BACC1: variants seen among roughly 807,000 people sequenced by gnomAD.
BACC1 encodes the protein BPTF associated chromatin complex component 1.
chr17:7,015,195 G>A, the BACC1 span: 1 of 1,532,640 alleles, frequency 6.5e-7, no homozygotes, highest in East Asian at 2.6e-5. Context: ...GCTGAGAGCG[G>A]GCGCTTGGAC....
chr17:7,016,242 T>C, the BACC1 span: 2 of 544,104 alleles, frequency 3.7e-6, no homozygotes, highest in Non-Finnish European at 6.4e-6. Context: ...ATCACCAAGC[T>C]CTACCTGATG....
chr17:7,015,946 C>T, the BACC1 span: 2 of 1,267,026 alleles, frequency 1.6e-6, no homozygotes, highest in Non-Finnish European at 2.3e-6. Flanking sequence ...GTTCCATCGT[C>T]CTCAGAACTC....
the BACC1 span, chr17:7,017,050 T>C: frequency 1.3e-6 from 2 of 1,588,400 alleles, no homozygotes; most frequent in South Asian, 1.1e-5. Context: ...GCTGACGGGG[T>C]TGGGGAGAAA....
At chr17:7,015,544 G>C in the BACC1 span, 1 of 1,418,516 alleles carries the variant, frequency 7.0e-7, no homozygotes, top group Middle Eastern at 2.6e-4. Flanking sequence ...TGGTGGAAAG[G>C]GGTGTCTAAG....
At chr17:7,014,950 C>T in the BACC1 span, 80 of 1,469,394 alleles carry the variant, frequency 5.4e-5, no homozygotes, top group African/African-American at 8.9e-5. The surrounding 1 kb of genome is among the most constrained non-coding windows in gnomAD (Gnocchi z 4.5). Context: ...GCTCGCGGCT[C>T]TTCCGCCCCG....
At chr17:7,014,789 C>A in the BACC1 span, 1 of 1,518,950 alleles carries the variant, frequency 6.6e-7, no homozygotes, top group Non-Finnish European at 8.8e-7. The surrounding 1 kb of genome is among the most constrained non-coding windows in gnomAD (Gnocchi z 4.5). Flanking sequence ...CTCAGTCTCC[C>A]TGCTCTCCGT....
the BACC1 span, chr17:7,015,514 C>T: frequency 7.1e-7 from 1 of 1,410,084 alleles, no homozygotes; most frequent in South Asian, 1.5e-5. Context: ...GTGCTGTGTA[C>T]AGCAGCCGTT....
chr17:7,015,207 C>T, the BACC1 span: 25 of 1,514,058 alleles, frequency 1.7e-5, no homozygotes, highest in Admixed American at 1.4e-4. Context: ...CGCTTGGACT[C>T]GGTCACAGAC....
At chr17:7,015,601 G>A in the BACC1 span, 3 of 1,373,144 alleles carry the variant, frequency 2.2e-6, no homozygotes, top group Non-Finnish European at 2.9e-6. Flanking sequence ...CCCGGTTCCC[G>A]CAGGGCCTCA....
the BACC1 span, chr17:7,016,612 T>C: frequency 3.7e-6 from 6 of 1,614,156 alleles, no homozygotes; most frequent in Non-Finnish European, 5.1e-6. Context: ...TGTCACCTCC[T>C]CCAGCTGCCC....
At chr17:7,015,702 G>A in the BACC1 span, 1 of 1,467,180 alleles carries the variant, frequency 6.8e-7, no homozygotes, top group East Asian at 2.3e-5. Context: ...TTGGCTGTGG[G>A]ATGCATAGCC....
chr17:7,017,304 C>T, the BACC1 span: 1 of 1,613,248 alleles, frequency 6.2e-7, no homozygotes, highest in Non-Finnish European at 8.5e-7. Context: ...TGCTGATCCT[C>T]CTCTCCTCTC....
At chr17:7,016,660 T>A in the BACC1 span, 3 of 1,611,298 alleles carry the variant, frequency 1.9e-6, no homozygotes, top group Non-Finnish European at 2.5e-6. Context: ...AGGCCGGGGG[T>A]CCCCCCATAA....
At chr17:7,014,841 A>AC in the BACC1 span, 13 of 1,529,470 alleles carry the variant, frequency 8.5e-6, no homozygotes, top group Non-Finnish European at 1.1e-5. The surrounding 1 kb of genome is among the most constrained non-coding windows in gnomAD (Gnocchi z 4.5). Context: ...CGTCTCCGTG[A>AC]GGAGGCGCGC....
chr17:7,017,054 G>A, the BACC1 span: 1 of 1,583,442 alleles, frequency 6.3e-7, no homozygotes, highest in Non-Finnish European at 8.7e-7. Flanking sequence ...ACGGGGTTGG[G>A]GAGAAAGGGC....
chr17:7,017,410 G>A, the BACC1 span: 5 of 1,231,664 alleles, frequency 4.1e-6, no homozygotes, highest in Non-Finnish European at 6.0e-6. Flanking sequence ...AGGGCTGAAA[G>A]GCTGCTGGGG....
the BACC1 span, chr17:7,017,220 C>T: frequency 3.1e-6 from 5 of 1,613,944 alleles, no homozygotes; most frequent in African/African-American, 4.0e-5. Context: ...ACACTGGGGG[C>T]TCGCTCCATC....
At chr17:7,014,852 G>T in the BACC1 span, 2 of 1,536,146 alleles carry the variant, frequency 1.3e-6, no homozygotes, top group Non-Finnish European at 1.7e-6. The surrounding 1 kb of genome is among the most constrained non-coding windows in gnomAD (Gnocchi z 4.5). Flanking sequence ...GGAGGCGCGC[G>T]GGGCCATGAC....
At chr17:7,016,274 G>A in the BACC1 span, 1 of 565,900 alleles carries the variant, frequency 1.8e-6, no homozygotes, top group African/African-American at 1.9e-5. Context: ...AGAGAATTAG[G>A]AGATGGGCCT....
Sources: allele counts gnomAD v4.1 joint callset, GRCh38; gene constraint gnomAD v4.1.1; non-coding constraint Gnocchi (gnomAD v3.1); transcripts MANE v1.5; gene names NCBI Gene and HGNC (gene_info 2026-07-23, HGNC 2026-07-21).